Variants in GAS7 observed in about 807,000 individuals in gnomAD.
The protein encoded by GAS7 is growth arrest specific 7.
GAS7 carries 28 observed loss-of-function variants against 71.1 expected under a neutral mutation model. The ratio of observed to expected loss-of-function variants is 0.39; its 90% CI spans 0.29 to 0.54. The LOEUF is 0.54. GAS7 is among the 20% of genes least tolerant of loss of function. The probability of loss-of-function intolerance (pLI) is 0.62; values close to 1 mark genes in which losing one functional copy is unlikely to be tolerated. For missense variants in GAS7, 436 were observed against 627.8 expected, an observed-to-expected ratio of 0.69 and a Z score of 3.27; for synonymous variants, 258 against 245.8, an observed-to-expected ratio of 1.05 and a Z score of -0.46.
In GAS7 at chr17:9,969,748, C is replaced by A; in HGVS notation, c.400G>T (p.Ala134Ser). Residue 134 changes from alanine (A) to serine (S), a missense_variant, in exon 4 of 14, where the codon GCA becomes TCA. Physicochemically the swap from Ala to Ser is moderately conservative, Grantham distance 99. Coordinates refer to ENST00000432992, the MANE Select transcript of GAS7 (RefSeq NM_201433.2). The surrounding 1 kb of genome is among the most constrained non-coding windows in gnomAD (Gnocchi z 5.5). Reference sequence around the variant, plus strand: ...GGAGGGTGCGCTGGGGTCCCTGATGCGTGGTATCCATTCACTGCAGGGACA... The same window carrying A: ...GGAGGGTGCGCTGGGGTCCCTGATGAGTGGTATCCATTCACTGCAGGGACA... ...SLPPTVNGYH[A>S]SGTPAHPPET... The A allele has an allele frequency of 3.7e-6, 6 of 1,608,374 alleles. No individual in the cohort carries two copies. Among genetic ancestry groups the A allele is most frequent in the Admixed American group, 1.7e-5 (1 of 59,992 alleles).
rs548044364 is a variant in GAS7, at chr17:10,066,338, G to A, written c.184-46441C>T. 3.9e-4 allele frequency among the ~76,000 whole-genome samples: 60 copies of A among 152,204 alleles called. No individual in the cohort carries two copies. The Middle Eastern group carries it at 0.01, about 26-fold the overall frequency. On this transcript the variant is annotated intron_variant, in intron 1 of 13. Transcript: ENST00000432992. Reference sequence around the variant, plus strand: ...TGGAATTACAGGCATGCGTCACCACGCCTAGCTAATTTTGTATTTTTAGGA... The same window carrying A: ...TGGAATTACAGGCATGCGTCACCACACCTAGCTAATTTTGTATTTTTAGGA...
chr17:10,026,331 T>G lies in GAS7; in HGVS notation c.184-6434A>C. On this transcript the variant is annotated intron_variant, in intron 1 of 13. Coordinates refer to ENST00000432992, the MANE Select transcript of GAS7 (RefSeq NM_201433.2). This position sits in a 1 kb window ranked among gnomAD's most constrained non-coding sequence, Gnocchi z 4.5. ...TATCCACAGGGCCCCACACCCCCAC[T>G]CCCCCCACACCCAGATCTATATATA... 2.1e-6 allele frequency: 2 copies of G among 968,728 alleles called. No individual in the cohort carries two copies. The highest frequency in any genetic ancestry group is 2.5e-6 in the Non-Finnish European group (2 of 816,150). 60.0% of individuals were successfully genotyped at this position (968,728 alleles called of 1,614,324 possible). A position where few individuals can be genotyped will look rare whatever the true frequency, so the allele number is the denominator to read the frequency against.
At chr17:10,048,784 A>T (rs8068990) in intron 1 of GAS7, among the ~76,000 whole-genome samples, 26,585 of 152,186 alleles carry the variant, frequency 0.17, 2,408 homozygotes, top group East Asian at 0.27. Flanking sequence ...TGAGAGAGAA[A>T]ATTAGGAAGA....
intron 1 of GAS7, among the ~76,000 whole-genome samples, chr17:10,160,266 T>C (rs1444752300): frequency 1.3e-5 from 2 of 152,022 alleles, no homozygotes; most frequent in Non-Finnish European, 2.9e-5. Context: ...ACACTAAAAA[T>C]TGTATTAAAA....
At chr17:9,965,516 G>A (rs186144167) in intron 4 of GAS7, among the ~76,000 whole-genome samples, 53 of 152,218 alleles carry the variant, frequency 3.5e-4, no homozygotes, top group Non-Finnish European at 5.9e-4. Context: ...CTATCGGGGC[G>A]TGGGGGATAA....
chr17:10,189,141 A>G (rs1394723895), intron 1 of GAS7, among the ~76,000 whole-genome samples: 2 of 152,180 alleles, frequency 1.3e-5, no homozygotes, highest in African/African-American at 4.8e-5. Context: ...AAGGATGGAC[A>G]GATGGGGAAA....
rs370112674 is a variant in GAS7, at chr17:10,087,535, G to C, written c.184-67638C>G. ...TGAGTTCACTGATGAATGAAGAAAGGAAGGAAGGAGGCAGGGGAGGCTTTC... is the reference window on the plus strand; with the variant it reads ...TGAGTTCACTGATGAATGAAGAAAGCAAGGAAGGAGGCAGGGGAGGCTTTC... On this transcript the variant is annotated intron_variant, in intron 1 of 13. Transcript: ENST00000432992. Among the ~76,000 whole-genome samples the C allele has an allele frequency of 3.3e-5, 5 of 152,232 alleles. No homozygotes were observed. In the East Asian group the frequency reaches 5.8e-4, roughly 18 times the overall value.
intron 2 of GAS7, among the ~76,000 whole-genome samples, chr17:10,013,115 A>C (rs1314070761): frequency 6.6e-6 from 1 of 151,714 alleles, no homozygotes; most frequent in Non-Finnish European, 1.5e-5. Context: ...AAAAAAAAAA[A>C]AAAAAATTAA....
intron 1 of GAS7, among the ~76,000 whole-genome samples, chr17:10,105,369 A>G (rs1378645342): frequency 6.6e-6 from 1 of 151,762 alleles, no homozygotes; most frequent in Non-Finnish European, 1.5e-5. Flanking sequence ...TCTTATTCAA[A>G]CTCAAATAAA....
At chr17:10,076,649 T>C (rs2073397019) in intron 1 of GAS7, among the ~76,000 whole-genome samples, 1 of 152,140 alleles carries the variant, frequency 6.6e-6, no homozygotes, top group African/African-American at 2.4e-5. Context: ...AGTAACTAAC[T>C]ACTGAAGGGG....
At chr17:10,133,712 C>T (rs1485610209) in intron 1 of GAS7, among the ~76,000 whole-genome samples, 1 of 151,370 alleles carries the variant, frequency 6.6e-6, no homozygotes, top group African/African-American at 2.4e-5. Context: ...CCACCCCACC[C>T]AGCCCCTGGT....
At chr17:10,113,320 CTTT>C (rs1203808326) in intron 1 of GAS7, among the ~76,000 whole-genome samples, 1 of 152,186 alleles carries the variant, frequency 6.6e-6, no homozygotes, top group African/African-American at 2.4e-5. Flanking sequence ...TTGTTCCAAC[CTTT>C]CAACCTCAGA....
intron 1 of GAS7, among the ~76,000 whole-genome samples, chr17:10,021,128 A>C (rs1447419391): frequency 3.9e-5 from 6 of 152,156 alleles, no homozygotes; most frequent in Non-Finnish European, 2.9e-5. Context: ...GTGCCTTTTG[A>C]AGTAAATTGA....
chr17:10,197,930 C>T (rs539331158), intron 1 of GAS7, among the ~76,000 whole-genome samples: 1 of 152,334 alleles, frequency 6.6e-6, no homozygotes, highest in East Asian at 1.9e-4. Context: ...CTCACACAGG[C>T]AACAAGTTCT....
chr17:9,986,784 C>G (rs956123021), intron 2 of GAS7, among the ~76,000 whole-genome samples: 3 of 152,222 alleles, frequency 2.0e-5, no homozygotes, highest in South Asian at 2.1e-4. Context: ...GACGATGCAG[C>G]TGCCTGAAGG....
intron 1 of GAS7, among the ~76,000 whole-genome samples, chr17:10,089,091 G>A (rs1250437241): frequency 6.6e-6 from 1 of 151,976 alleles, no homozygotes; most frequent in East Asian, 1.9e-4. Context: ...AACCCAGGAG[G>A]CAGAGGTTGC....
chr17:9,968,778 T>C (rs1774758498), intron 4 of GAS7, among the ~76,000 whole-genome samples: 2 of 152,206 alleles, frequency 1.3e-5, no homozygotes, highest in African/African-American at 4.8e-5. Flanking sequence ...GACTGGTACA[T>C]AGAATCCACT....
Position 9,912,653 on chromosome 17 carries a change from A to T in GAS7, c.*4575T>A, listed in dbSNP as rs1413934345. 3 of 232,646 alleles carry T rather than the reference A, an allele frequency of 1.3e-5. No homozygotes were observed. Among genetic ancestry groups the T allele is most frequent in the Non-Finnish European group, 2.5e-5 (3 of 117,764 alleles). 14.4% of individuals were successfully genotyped at this position (232,646 alleles called of 1,614,324 possible). A position where few individuals can be genotyped will look rare whatever the true frequency, so the allele number is the denominator to read the frequency against. On this transcript the variant is annotated 3_prime_UTR_variant, in exon 14 of 14. Coordinates refer to ENST00000432992, the MANE Select transcript of GAS7 (RefSeq NM_201433.2). ...CCCATCCCTGGATTCTTTCTGCACT[A>T]CCAAAAACCCACCACGCGCCAAAAG...
chr17:10,037,445 A>G (rs898226619), intron 1 of GAS7, among the ~76,000 whole-genome samples: 1 of 150,432 alleles, frequency 6.6e-6, no homozygotes, highest in African/African-American at 2.4e-5. Flanking sequence ...GATTCTTTAT[A>G]TAGAATTAAA....
Sources: allele counts gnomAD v4.1 joint callset (sites outside exome capture counted in the v4.1 genomes callset), GRCh38; gene constraint gnomAD v4.1.1; non-coding constraint Gnocchi (gnomAD v3.1); transcripts MANE v1.5; gene names NCBI Gene and HGNC (gene_info 2026-07-23, HGNC 2026-07-21).